Variants in CNOT6 observed in about 807,000 individuals in gnomAD.
CNOT6 encodes the protein carbon catabolite repression 4 protein.
CNOT6 carries 12 observed loss-of-function variants against 61.2 expected under a neutral mutation model. The ratio of observed to expected loss-of-function variants is 0.20; its 90% CI spans 0.13 to 0.32. The LOEUF (loss-of-function observed/expected upper bound fraction) is 0.32, where lower values mean the gene tolerates loss of function less well. CNOT6 is among the 10% of genes least tolerant of loss of function. CNOT6 has a pLI of 1.00. For missense variants in CNOT6, 405 were observed against 663.9 expected, an observed-to-expected ratio of 0.61 and a Z score of 4.28; for synonymous variants, 225 against 240.6, an observed-to-expected ratio of 0.94 and a Z score of 0.60.
rs56266069 is a variant in CNOT6 at position 180,533,312 on chromosome 5, C to CTATATATATATATATATATATA, written c.112+3934_112+3955dup. Among the ~76,000 whole-genome samples the CTATATATATATATATATATATA allele has an allele frequency of 5.4e-4, 69 of 127,550 alleles. 1 individual carries two copies. The highest frequency in any genetic ancestry group is 6.5e-4 in the African/African-American group (21 of 32,108). The allele number at this position is 127,550 out of a possible 152,430, so 83.7% of individuals were successfully genotyped here. A position where few individuals can be genotyped will look rare whatever the true frequency, so the allele number is the denominator to read the frequency against. ...GGAACCAGGAACCATGGATGAAAAC[C>CTATATATATATATATATATATA]TATATATATATATATATATATATAT... On this transcript the variant is annotated intron_variant, in intron 2 of 11. Transcript: ENST00000261951.
In CNOT6 at chr5:180,576,810, G is replaced by C. The variant is rs1031322186; in HGVS notation, c.*2610G>C. ...AATCCCTAAAATGCAATAAAAACTA[G>C]TATGTTTTCACGGTGTATATTTTTT... On this transcript the variant is annotated 3_prime_UTR_variant, in exon 12 of 12. Transcript: ENST00000261951. 6.6e-6 allele frequency: 1 copy of C among 152,064 alleles called. No individual in the cohort carries two copies. The highest frequency in any genetic ancestry group is 6.6e-5 in the Admixed American group (1 of 15,264). 9.4% of individuals were successfully genotyped at this position (152,064 alleles called of 1,614,324 possible). A position where few individuals can be genotyped will look rare whatever the true frequency, so the allele number is the denominator to read the frequency against.
chr5:180,553,801 A>G (rs1438090785), intron 4 of CNOT6, among the ~76,000 whole-genome samples: 2 of 152,166 alleles, frequency 1.3e-5, no homozygotes, highest in Non-Finnish European at 2.9e-5. Flanking sequence ...AATCTCAAAA[A>G]ACATGGAGCC....
intron 4 of CNOT6, among the ~76,000 whole-genome samples, chr5:180,563,319 C>T (rs1760283098): frequency 6.6e-6 from 1 of 151,988 alleles, no homozygotes; most frequent in South Asian, 2.1e-4. Context: ...AGGTTCACGC[C>T]ATTCTCCTGC....
intron 1 of CNOT6, among the ~76,000 whole-genome samples, chr5:180,499,101 T>G (rs1756750376): frequency 6.6e-6 from 1 of 152,234 alleles, no homozygotes; most frequent in South Asian, 2.1e-4. Flanking sequence ...TGGATCTATT[T>G]TTAACTTGGA....
chr5:180,498,640 A>G (rs1047965055), intron 1 of CNOT6, among the ~76,000 whole-genome samples: 1 of 152,180 alleles, frequency 6.6e-6, no homozygotes, highest in Middle Eastern at 3.2e-3. Context: ...GCTAAGCTAA[A>G]AGGGAAGTGT....
At chr5:180,559,519 A>T (rs563754148) in intron 4 of CNOT6, among the ~76,000 whole-genome samples, 1 of 152,194 alleles carries the variant, frequency 6.6e-6, no homozygotes, top group East Asian at 1.9e-4. Flanking sequence ...TGTGGACAGT[A>T]TATAGTTGGG....
intron 2 of CNOT6, among the ~76,000 whole-genome samples, chr5:180,537,400 T>C (rs540005475): frequency 6.6e-6 from 1 of 152,348 alleles, no homozygotes; most frequent in South Asian, 2.1e-4. Flanking sequence ...TCTTTTCATA[T>C]GCTTTTTTGC....
intron 1 of CNOT6, among the ~76,000 whole-genome samples, chr5:180,500,699 G>A (rs1461171835): frequency 6.6e-6 from 1 of 152,182 alleles, no homozygotes; most frequent in Non-Finnish European, 1.5e-5. Context: ...AATACTTGTT[G>A]AACAATCTAT....
At chr5:180,505,818 G>T (rs1320701834) in intron 1 of CNOT6, among the ~76,000 whole-genome samples, 1 of 152,192 alleles carries the variant, frequency 6.6e-6, no homozygotes, top group African/African-American at 2.4e-5. Flanking sequence ...AAAGTGCTGG[G>T]ATTACAGGCT....
intron 8 of CNOT6, 142 bp from the exon 9 acceptor site, chr5:180,567,707 C>T (rs1166773735): frequency 7.6e-6 from 8 of 1,049,818 alleles, no homozygotes; most frequent in Non-Finnish European, 9.8e-6. Flanking sequence ...AAGCTTGATG[C>T]TGAACGTGGA....
At chr5:180,573,917 A>G in intron 11 of CNOT6, 71 bp from the exon 12 acceptor site, 1 of 1,020,440 alleles carries the variant, frequency 9.8e-7, no homozygotes, top group Non-Finnish European at 1.5e-6. Context: ...ACATAAAGGC[A>G]TGTCTTGAAA....
intron 1 of CNOT6, among the ~76,000 whole-genome samples, chr5:180,511,027 A>G (rs1334912866): frequency 2.0e-5 from 3 of 151,654 alleles, no homozygotes; most frequent in Admixed American, 2.0e-4. Context: ...CTAGTCTCGA[A>G]CTCCTGACCT....
At chr5:180,541,866 G>A (rs1241161001) in intron 2 of CNOT6, among the ~76,000 whole-genome samples, 2 of 151,696 alleles carry the variant, frequency 1.3e-5, no homozygotes, top group East Asian at 3.9e-4. Context: ...TTAGCAGACG[G>A]GGTCTCGCTC....
At chr5:180,531,279 G>T (rs1262361605) in intron 2 of CNOT6, among the ~76,000 whole-genome samples, 1 of 150,210 alleles carries the variant, frequency 6.7e-6, no homozygotes, top group Admixed American at 6.6e-5. Flanking sequence ...GGGGTGGCCG[G>T]TCAGAGACGC....
At chr5:180,567,054 T>A (rs1760502736) in intron 7 of CNOT6, 34 bp from the exon 8 acceptor site, 3 of 1,572,538 alleles carry the variant, frequency 1.9e-6, no homozygotes, top group Non-Finnish European at 2.6e-6. Flanking sequence ...AATTTTTGTC[T>A]TATGAAATAA....
intron 2 of CNOT6, among the ~76,000 whole-genome samples, chr5:180,535,490 A>G (rs1473799376): frequency 6.6e-6 from 1 of 152,066 alleles, no homozygotes; most frequent in African/African-American, 2.4e-5. Flanking sequence ...ATATGCTTTC[A>G]TTCTTTTTTA....
At chr5:180,557,481 C>A (rs958328585) in intron 4 of CNOT6, among the ~76,000 whole-genome samples, 2 of 152,152 alleles carry the variant, frequency 1.3e-5, no homozygotes, top group African/African-American at 2.4e-5. Flanking sequence ...AATAAAGATA[C>A]CCAACATCTT....
chr5:180,510,834 C>T (rs1757357857), intron 1 of CNOT6, among the ~76,000 whole-genome samples: 1 of 151,568 alleles, frequency 6.6e-6, no homozygotes, highest in African/African-American at 2.4e-5. Flanking sequence ...GACAGAGTCT[C>T]GCTCTCGTCA....
At chr5:180,559,864 C>T (rs1760080651) in intron 4 of CNOT6, among the ~76,000 whole-genome samples, 1 of 151,920 alleles carries the variant, frequency 6.6e-6, no homozygotes, top group Admixed American at 6.6e-5. Flanking sequence ...CAAACCTTAG[C>T]TCTCTTTACA....
Sources: allele counts gnomAD v4.1 joint callset (sites outside exome capture counted in the v4.1 genomes callset), GRCh38; gene constraint gnomAD v4.1.1; transcripts MANE v1.5; gene names NCBI Gene and HGNC (gene_info 2026-07-23, HGNC 2026-07-21).